THSD7B: variants seen among roughly 807,000 people sequenced by gnomAD.
THSD7B encodes thrombospondin type-1 domain-containing protein 7B.
THSD7B carries 138 observed loss-of-function variants against 213.6 expected under a neutral mutation model. That is an observed-to-expected ratio of 0.65 (90% CI 0.56 to 0.74). THSD7B has a LOEUF of 0.74. Among genes scored for constraint, THSD7B ranks in the 30% least tolerant of loss-of-function variants. THSD7B has a pLI of 0.00. For synonymous variants in THSD7B, 742 were observed against 687.0 expected (o/e 1.08, Z -1.25); for missense variants, 1,931 against 1,991.5 (o/e 0.97, Z 0.58).
At chr2:137,229,975 C>G (rs934916220) in intron 7 of THSD7B, among the ~76,000 whole-genome samples, 8 of 152,136 alleles carry the variant, frequency 5.3e-5, no homozygotes, top group South Asian at 2.1e-4. Context: ...GTCATACAAA[C>G]AAAACCGCCT....
intron 2 of THSD7B, among the ~76,000 whole-genome samples, chr2:137,038,526 CG>C (rs1350323767): frequency 8.5e-5 from 13 of 152,112 alleles, no homozygotes; most frequent in Admixed American, 7.2e-4. Flanking sequence ...TTAGACTAGA[CG>C]GAACAGCTGG....
chr2:137,207,447 A>C (rs942184035), intron 7 of THSD7B, among the ~76,000 whole-genome samples: 1 of 152,106 alleles, frequency 6.6e-6, no homozygotes, highest in African/African-American at 2.4e-5. Flanking sequence ...GAATTAGTGG[A>C]TATGAGGCAA....
intron 5 of THSD7B, among the ~76,000 whole-genome samples, chr2:137,138,153 C>T (rs981705909): frequency 1.3e-5 from 2 of 152,118 alleles, no homozygotes; most frequent in African/African-American, 4.8e-5. Flanking sequence ...CTCAACTTCT[C>T]AAAGTGCTAA....
intron 2 of THSD7B, among the ~76,000 whole-genome samples, chr2:136,934,845 C>T (rs1344335762): frequency 6.6e-6 from 1 of 152,042 alleles, no homozygotes; most frequent in Non-Finnish European, 1.5e-5. Context: ...ATTATTTTGA[C>T]CTATCTTAAA....
intron 4 of THSD7B, among the ~76,000 whole-genome samples, chr2:137,098,812 A>G (rs1376060892): frequency 6.6e-6 from 1 of 152,118 alleles, no homozygotes; most frequent in African/African-American, 2.4e-5. Flanking sequence ...CATGAAGGGA[A>G]TTGTAACTAA....
intron 1 of THSD7B, among the ~76,000 whole-genome samples, chr2:136,778,549 C>T (rs1374102469): frequency 3.9e-5 from 6 of 152,160 alleles, no homozygotes; most frequent in African/African-American, 1.2e-4. Context: ...ACACAAAAGA[C>T]AAGCCAGGGG....
At chr2:137,069,548 A>G (rs1687441639) in intron 3 of THSD7B, among the ~76,000 whole-genome samples, 1 of 151,986 alleles carries the variant, frequency 6.6e-6, no homozygotes, top group Admixed American at 6.6e-5. Flanking sequence ...ACCATCTTTC[A>G]ATTCTCAGAA....
chr2:137,671,798 T>C (rs78648212), intron 27 of THSD7B, among the ~76,000 whole-genome samples: 595 of 152,298 alleles, frequency 3.9e-3, no homozygotes, highest in Middle Eastern at 0.01. Context: ...GTACTGCCCC[T>C]CTAATTTTCC....
At chr2:137,544,694 T>A (rs1256824396) in intron 15 of THSD7B, among the ~76,000 whole-genome samples, 1 of 151,864 alleles carries the variant, frequency 6.6e-6, no homozygotes, top group Non-Finnish European at 1.5e-5. Context: ...TTTATTTTTA[T>A]TTTTCATCAA....
chr2:136,998,362 G>A (rs986815986), intron 2 of THSD7B, among the ~76,000 whole-genome samples: 1 of 151,642 alleles, frequency 6.6e-6, no homozygotes. Context: ...TTTTCACTGG[G>A]TAGGAATATG....
At chr2:136,766,554 A>C (rs1220381702) in intron 1 of THSD7B, among the ~76,000 whole-genome samples, 1 of 152,096 alleles carries the variant, frequency 6.6e-6, no homozygotes, top group Non-Finnish European at 1.5e-5. Context: ...GAAGTTGGAA[A>C]ACTTTGCAGG....
intron 10 of THSD7B, among the ~76,000 whole-genome samples, chr2:137,245,399 T>A (rs534526120): frequency 1.1e-4 from 17 of 152,232 alleles, no homozygotes; most frequent in African/African-American, 3.9e-4. Flanking sequence ...TTTGTATAGT[T>A]GTATAGTTTG....
chr2:137,056,400 C>A lies in THSD7B; in HGVS notation c.140-20C>A, dbSNP rs780490524. 6.3e-7 allele frequency: 1 copy of A among 1,589,936 alleles called. No homozygotes were observed. ...AATGTAATCTCTGAGTAATTAACATCCTTGTTTTTCTGCCTGTAGGTCCGT... is the reference window on the plus strand; with the variant it reads ...AATGTAATCTCTGAGTAATTAACATACTTGTTTTTCTGCCTGTAGGTCCGT... On this transcript the variant is annotated intron_variant, in intron 2 of 27. Coordinates refer to ENST00000409968, the MANE Select transcript of THSD7B (RefSeq NM_001316349.2).
At chr2:137,668,644 A>G (rs1481977691) in intron 27 of THSD7B, among the ~76,000 whole-genome samples, 2 of 152,164 alleles carry the variant, frequency 1.3e-5, no homozygotes, top group Non-Finnish European at 2.9e-5. Context: ...AAATTCAAGT[A>G]TAATTTATGA....
At chr2:136,862,183 A>G (rs544653575) in intron 1 of THSD7B, among the ~76,000 whole-genome samples, 21 of 152,304 alleles carry the variant, frequency 1.4e-4, no homozygotes, top group African/African-American at 4.8e-4. Flanking sequence ...TGTGGATACC[A>G]GGAGGTGAGG....
chr2:137,190,415 G>A (rs35811687), intron 7 of THSD7B, among the ~76,000 whole-genome samples: 7,005 of 152,150 alleles, frequency 0.046, 198 homozygotes, highest in Admixed American at 0.069. Context: ...TGTAGAATTG[G>A]CATCATAACA....
intron 12 of THSD7B, among the ~76,000 whole-genome samples, chr2:137,341,464 T>C (rs72844306): frequency 0.1 from 15,672 of 151,628 alleles, 967 homozygotes; most frequent in Non-Finnish European, 0.12. Context: ...TTGTCTCCTT[T>C]TGTTCTTGAT....
chr2:136,816,845 AG>A (rs1682482039), intron 1 of THSD7B, among the ~76,000 whole-genome samples: 1 of 152,216 alleles, frequency 6.6e-6, no homozygotes, highest in East Asian at 1.9e-4. Flanking sequence ...TCTGTTTGCT[AG>A]GTGAATAAGA....
chr2:137,569,170 C>A (rs1681302988), intron 16 of THSD7B, among the ~76,000 whole-genome samples: 2 of 152,156 alleles, frequency 1.3e-5, no homozygotes. Context: ...ATATAAGTGT[C>A]CCCTGAACCT....
Sources: allele counts gnomAD v4.1 joint callset (sites outside exome capture counted in the v4.1 genomes callset), GRCh38; gene constraint gnomAD v4.1.1; transcripts MANE v1.5; gene names NCBI Gene and HGNC (gene_info 2026-07-23, HGNC 2026-07-21).